Variants in ADGRB3 observed in about 807,000 individuals in gnomAD.
ADGRB3 encodes adhesion G protein-coupled receptor B3.
A neutral mutation model predicts 193.4 loss-of-function variants in ADGRB3; 37 were observed. That is an observed-to-expected ratio of 0.19 (90% confidence interval 0.15 to 0.25). ADGRB3 has a LOEUF of 0.25. ADGRB3 is among the 10% of genes least tolerant of loss of function. The pLI is 1.00. For missense variants in ADGRB3, 1,637 were observed against 1,852.9 expected (o/e 0.88, Z 2.14); for synonymous variants, 690 against 644.2 (o/e 1.07, Z -1.08).
chr6:68,801,414 G>T (rs1158779409), intron 3 of ADGRB3, among the ~76,000 whole-genome samples: 1 of 152,070 alleles, frequency 6.6e-6, no homozygotes, highest in Non-Finnish European at 1.5e-5. Context: ...CAGGCTGGGC[G>T]CAGTGGCTCA....
At chr6:69,073,219 G>A (rs571558197) in intron 16 of ADGRB3, among the ~76,000 whole-genome samples, 200 of 152,284 alleles carry the variant, frequency 1.3e-3, no homozygotes, top group African/African-American at 4.7e-3. Flanking sequence ...GGAGCATAGT[G>A]TAGGGAGATA....
intron 3 of ADGRB3, among the ~76,000 whole-genome samples, chr6:68,796,612 A>C (rs1261953083): frequency 1.3e-5 from 2 of 152,198 alleles, no homozygotes; most frequent in Admixed American, 6.5e-5. Flanking sequence ...TTCACTGCCT[A>C]GGTCTCTGTT....
intron 17 of ADGRB3, among the ~76,000 whole-genome samples, chr6:69,206,054 T>TATAC (rs1718508483): frequency 8.1e-6 from 1 of 123,954 alleles, no homozygotes; most frequent in Non-Finnish European, 1.7e-5. Context: ...GGTATATATA[T>TATAC]ATATATATAT....
intron 17 of ADGRB3, chr6:69,232,266 A>T: frequency 2.1e-6 from 1 of 486,026 alleles, no homozygotes; most frequent in South Asian, 4.0e-5. Context: ...TGAGCTCTAT[A>T]GCATTTTTTT....
intron 3 of ADGRB3, among the ~76,000 whole-genome samples, chr6:68,854,559 G>A (rs898477665): frequency 7.0e-6 from 1 of 142,678 alleles, no homozygotes; most frequent in African/African-American, 2.5e-5. Context: ...AAAAAAGCTT[G>A]TCTTTTTTTT....
At chr6:68,766,821 T>C (rs73467876) in intron 3 of ADGRB3, among the ~76,000 whole-genome samples, 2,458 of 152,058 alleles carry the variant, frequency 0.016, 62 homozygotes, top group African/African-American at 0.054. Flanking sequence ...ATGCTGCAAA[T>C]ATATAGTATC....
chr6:68,703,217 T>G (rs917176568), intron 3 of ADGRB3, among the ~76,000 whole-genome samples: 6 of 152,320 alleles, frequency 3.9e-5, no homozygotes, highest in African/African-American at 1.4e-4. Context: ...TTAAATTTTG[T>G]GGATTTCAAA....
intron 20 of ADGRB3, among the ~76,000 whole-genome samples, chr6:69,289,817 G>A (rs1276600682): frequency 6.6e-6 from 1 of 151,618 alleles, no homozygotes; most frequent in Admixed American, 6.6e-5. Context: ...CACCGACTAA[G>A]GTGCTGCACT....
At chr6:69,282,372 A>G (rs886143671) in intron 20 of ADGRB3, among the ~76,000 whole-genome samples, 4 of 152,178 alleles carry the variant, frequency 2.6e-5, no homozygotes, top group African/African-American at 7.2e-5. Flanking sequence ...CAACCTATGT[A>G]TAGCCACCAG....
chr6:69,178,150 CT>C (rs895611937), intron 17 of ADGRB3, among the ~76,000 whole-genome samples: 1 of 152,100 alleles, frequency 6.6e-6, no homozygotes, highest in Admixed American at 6.5e-5. Context: ...ATATATGCAT[CT>C]TTTGTTGAAC....
intron 3 of ADGRB3, among the ~76,000 whole-genome samples, chr6:68,663,929 C>T (rs1163272946): frequency 1.3e-5 from 2 of 151,722 alleles, no homozygotes; most frequent in South Asian, 2.1e-4. Context: ...AAAACATCTG[C>T]AGTGTGGTAT....
rs1451754832 is a variant in ADGRB3 at position 69,339,647 on chromosome 6, A to G, written c.3459+143A>G. On this transcript the variant is annotated intron_variant, in intron 26 of 31. Coordinates refer to ENST00000370598, the MANE Select transcript of ADGRB3 (RefSeq NM_001704.3). ...TCACTTGGGAATCAAAGCTGAAGGA[A>G]TGCTTTAAGACACAGCTTGGGAGAG... The G allele has an allele frequency of 4.8e-6, 5 of 1,044,858 alleles. No individual in the cohort carries two copies. The Admixed American group carries it at 1.1e-4, about 24-fold the overall frequency. The allele number at this position is 1,044,858 out of a possible 1,614,324, so 64.7% of individuals were successfully genotyped here.
intron 30 of ADGRB3, among the ~76,000 whole-genome samples, chr6:69,375,068 T>G (rs752992239): frequency 2.0e-5 from 3 of 152,236 alleles, no homozygotes; most frequent in Non-Finnish European, 4.4e-5. Flanking sequence ...AAAATTTACC[T>G]AAACAGGTGT....
At chr6:69,326,263 G>A (rs905972906) in intron 21 of ADGRB3, among the ~76,000 whole-genome samples, 1 of 152,272 alleles carries the variant, frequency 6.6e-6, no homozygotes, top group East Asian at 1.9e-4. Context: ...AAAAGTTGAA[G>A]ACTTTGTTCT....
chr6:68,846,789 A>T (rs1768284891), intron 3 of ADGRB3, among the ~76,000 whole-genome samples: 1 of 152,108 alleles, frequency 6.6e-6, no homozygotes, highest in Non-Finnish European at 1.5e-5. Context: ...GTGGAAGGGA[A>T]ATGTAGGGTC....
intron 3 of ADGRB3, among the ~76,000 whole-genome samples, chr6:68,888,341 T>G (rs1657675911): frequency 6.6e-6 from 1 of 152,168 alleles, no homozygotes. Context: ...TTAAATAATT[T>G]GTTTCGTAAT....
intron 15 of ADGRB3, among the ~76,000 whole-genome samples, chr6:69,060,220 T>TCTCTCTCTCTCTCTCTC (rs1771697794): frequency 1.5e-5 from 2 of 129,552 alleles, no homozygotes. Flanking sequence ...CTCTCTCTCT[T>TCTCTCTCTCTCTCTCTC]TCTCTCTCTC....
At chr6:68,650,866 A>G (rs1389233693) in intron 3 of ADGRB3, among the ~76,000 whole-genome samples, 1 of 152,134 alleles carries the variant, frequency 6.6e-6, no homozygotes, top group South Asian at 2.1e-4. Flanking sequence ...TAAAAGGCTG[A>G]CTTTTCTTCT....
intron 20 of ADGRB3, among the ~76,000 whole-genome samples, chr6:69,278,875 A>G (rs1767357864): frequency 6.6e-6 from 1 of 151,794 alleles, no homozygotes; most frequent in South Asian, 2.1e-4. Flanking sequence ...CCTGGCATAG[A>G]GGAACATGAT....
Sources: gnomAD v4.1 joint callset for allele counts (sites outside exome capture counted in the v4.1 genomes callset) on GRCh38, gnomAD v4.1.1 for gene constraint, MANE v1.5 for transcripts, NCBI Gene and HGNC (gene_info 2026-07-23, HGNC 2026-07-21) for gene names.